Variants in ADCK1 observed in about 807,000 individuals in gnomAD.
ADCK1 encodes the protein aarF domain containing kinase 1.
Under a neutral mutation model 52.3 loss-of-function variants are expected in ADCK1, and 41 were observed. That is an observed-to-expected ratio of 0.78 (90% CI 0.61 to 1.02). The LOEUF (loss-of-function observed/expected upper bound fraction) is 1.02. ADCK1 is among the 50% of genes least tolerant of loss of function. The pLI is 0.00. For synonymous variants in ADCK1, 250 were observed against 274.6 expected, an observed-to-expected ratio of 0.91 and a Z score of 0.89; for missense variants, 658 against 679.5, an observed-to-expected ratio of 0.97 and a Z score of 0.35.
At chr14:77,888,261 G>A (rs1224801691) in intron 5 of ADCK1, among the ~76,000 whole-genome samples, 1 of 152,120 alleles carries the variant, frequency 6.6e-6, no homozygotes, top group African/African-American at 2.4e-5. Flanking sequence ...AGTGTACTTG[G>A]ATAACTTCGA....
intron 4 of ADCK1, among the ~76,000 whole-genome samples, chr14:77,872,070 G>T (rs781473460): frequency 7.2e-5 from 11 of 152,342 alleles, no homozygotes; most frequent in Non-Finnish European, 1.3e-4. Flanking sequence ...GCAGGCAGAT[G>T]AGGAAACCTC....
Position 77,924,586 on chromosome 14 carries a change from T to G in ADCK1, c.988T>G (p.Leu330Val). 1 of 1,613,612 alleles carries G rather than the reference T, an allele frequency of 6.2e-7. No homozygotes were observed. The highest frequency in any genetic ancestry group is 8.5e-7 in the Non-Finnish European group (1 of 1,180,030). The change falls in exon 8 of 11, where the codon TTG becomes GTG. Residue 330 changes from leucine (L) to valine (V), a missense_variant. Physicochemically the swap from Leu to Val is conservative, Grantham distance 32. Coordinates refer to ENST00000238561, the MANE Select transcript of ADCK1 (RefSeq NM_020421.4). ...CACGGGAAAGGCGGAGATTGTCCTG[T>G]TGGACCATGGGCTTTACCAGGTAGA... is the stretch of plus-strand genomic sequence containing the variant. ...PGTGKAEIVL[L>V]DHGLYQMLTE... is the part of the protein sequence containing the mutation.
intron 7 of ADCK1, among the ~76,000 whole-genome samples, chr14:77,916,573 G>C (rs566060193): frequency 6.6e-5 from 10 of 152,210 alleles, no homozygotes; most frequent in Admixed American, 2.6e-4. Flanking sequence ...TCCCACCCCA[G>C]CCTCTGGAGT....
At chr14:77,838,300 A>G (rs530255196) in intron 3 of ADCK1, among the ~76,000 whole-genome samples, 1 of 152,240 alleles carries the variant, frequency 6.6e-6, no homozygotes, top group East Asian at 1.9e-4. Flanking sequence ...TAACAGCAAG[A>G]CATATGTGAA....
Position 77,825,207 on chromosome 14 carries a change from AT to A in ADCK1, c.219+2694del, listed in dbSNP as rs545135955. Among the ~76,000 whole-genome samples, 278 of 151,976 alleles carry A rather than the reference AT, an allele frequency of 1.8e-3. 1 individual carries two copies. The highest frequency in any genetic ancestry group is 6.5e-3 in the African/African-American group (269 of 41,426). ...CTTTAGATCAGGGATTGAGTCTTTG[AT>A]TTTTCGATCTGTATCTCTAGCGATG... is the stretch of plus-strand genomic sequence containing the variant. On this transcript the variant is annotated intron_variant, in intron 3 of 10. Transcript: ENST00000238561.
intron 3 of ADCK1, among the ~76,000 whole-genome samples, chr14:77,826,280 G>A (rs981520066): frequency 2.6e-5 from 4 of 152,210 alleles, no homozygotes; most frequent in Admixed American, 6.5e-5. Context: ...CGTCAGTGTG[G>A]CTGATAAAGG....
At chr14:77,903,630 G>T (rs2083596419) in intron 6 of ADCK1, among the ~76,000 whole-genome samples, 1 of 152,210 alleles carries the variant, frequency 6.6e-6, no homozygotes, top group Middle Eastern at 3.2e-3. Context: ...GGACAAGGTG[G>T]CAGGGGAGAA....
At chr14:77,897,895 T>G (rs1370201003) in intron 5 of ADCK1, among the ~76,000 whole-genome samples, 2 of 152,054 alleles carry the variant, frequency 1.3e-5, no homozygotes, top group Non-Finnish European at 2.9e-5. Context: ...GGCTGTAGAG[T>G]TGGCTGTGGA....
rs3214433 is a variant in ADCK1 at position 77,819,118 on chromosome 14, GT to G, written c.135+10del. On this transcript the variant is annotated splice_donor_region_variant and intron_variant, in intron 2 of 10. Transcript: ENST00000238561. ...GTGGGCAGAGCAGTTGCTACGGTAGGTTTTTCCCTTTTGGGGGTAGCAGAGA... is the reference window on the plus strand; with the variant it reads ...GTGGGCAGAGCAGTTGCTACGGTAGGTTTTCCCTTTTGGGGGTAGCAGAGA... 1,080,863 of 1,613,220 alleles carry G rather than the reference GT, an allele frequency of 0.67. 366,292 individuals carry two copies. The highest frequency in any genetic ancestry group is 0.7 in the Non-Finnish European group (823,884 of 1,179,708).
intron 7 of ADCK1, among the ~76,000 whole-genome samples, chr14:77,920,992 T>C (rs149970170): frequency 6.6e-6 from 1 of 151,762 alleles, no homozygotes; most frequent in Non-Finnish European, 1.5e-5. Context: ...ACTTTGAAAA[T>C]TAGGCTTTGA....
chr14:77,908,052 GA>G, intron 7 of ADCK1, 133 bp downstream of exon 7: 1 of 698,024 alleles, frequency 1.4e-6, no homozygotes, highest in Non-Finnish European at 2.4e-6. Context: ...ATTGTCTGGA[GA>G]ATTATAAACT....
In ADCK1 at chr14:77,907,866, G is replaced by C. The variant is rs372050102; in HGVS notation, c.805G>C (p.Gly269Arg). 1 of 1,614,050 alleles carries C rather than the reference G, an allele frequency of 6.2e-7. No homozygotes were observed. The change falls in exon 7 of 11, where the codon GGG (glycine) becomes CGG (arginine). Residue 269 changes from glycine to arginine, a missense_variant. By Grantham distance (125) the Gly-to-Arg change is moderately radical (BLOSUM62 -2). Coordinates refer to ENST00000238561, the MANE Select transcript of ADCK1 (RefSeq NM_020421.4). ...CCTCCTGATGGAGTTTGTGGATGGC[G>C]GGCAGGTCAATGACAGAGACTACAT... ...RVLLMEFVDG[G>R]QVNDRDYMER...
chr14:77,877,157 G>A (rs1481264890), intron 4 of ADCK1, among the ~76,000 whole-genome samples: 1 of 152,222 alleles, frequency 6.6e-6, no homozygotes. Flanking sequence ...GGAGGCTGCA[G>A]TGAGCTGAGA....
intron 4 of ADCK1, among the ~76,000 whole-genome samples, chr14:77,882,619 G>A (rs982282994): frequency 1.3e-5 from 2 of 152,194 alleles, no homozygotes; most frequent in African/African-American, 4.8e-5. Flanking sequence ...GGCTGGCCAC[G>A]CTGTGGCATC....
chr14:77,914,979 C>T (rs944987965), intron 7 of ADCK1, among the ~76,000 whole-genome samples: 2 of 152,120 alleles, frequency 1.3e-5, no homozygotes, highest in African/African-American at 4.8e-5. Flanking sequence ...TCTACCTTTC[C>T]CCTTGTCACC....
At chr14:77,921,495 G>A (rs994341724) in intron 7 of ADCK1, among the ~76,000 whole-genome samples, 16 of 152,096 alleles carry the variant, frequency 1.1e-4, no homozygotes, top group East Asian at 5.8e-4. Context: ...TTAGTCCCAC[G>A]TAGCCGCTAA....
chr14:77,900,663 A>G (rs1384385616), intron 6 of ADCK1: 2 of 448,894 alleles, frequency 4.5e-6, no homozygotes, highest in East Asian at 1.4e-4. Flanking sequence ...ACCGACTCGC[A>G]GCGATGTCGA....
chr14:77,915,128 C>T (rs1244459867), intron 7 of ADCK1, among the ~76,000 whole-genome samples: 1 of 152,060 alleles, frequency 6.6e-6, no homozygotes, highest in Non-Finnish European at 1.5e-5. Flanking sequence ...CCAAAATCAC[C>T]AGAAGAAAAC....
chr14:77,862,548 C>T (rs932973147), intron 4 of ADCK1, among the ~76,000 whole-genome samples: 3 of 152,220 alleles, frequency 2.0e-5, no homozygotes, highest in African/African-American at 7.2e-5. Flanking sequence ...CCTGAATGGG[C>T]ATGCATAGCC....
Sources: allele counts gnomAD v4.1 joint callset (sites outside exome capture counted in the v4.1 genomes callset), GRCh38; gene constraint gnomAD v4.1.1; transcripts MANE v1.5; gene names NCBI Gene and HGNC (gene_info 2026-07-23, HGNC 2026-07-21).